MCM9: variants seen among roughly 807,000 people sequenced by gnomAD.
MCM9 encodes the protein minichromosome maintenance 9 homologous recombination repair factor, also known as DNA helicase MCM9.
Under a neutral mutation model 72.8 loss-of-function variants are expected in MCM9, and 55 were observed. That is an observed-to-expected ratio of 0.76 (90% CI 0.61 to 0.95). MCM9 has a LOEUF of 0.95. Among genes scored for constraint, MCM9 ranks in the 40% least tolerant of loss-of-function variants. The pLI, the probability that MCM9 is intolerant of heterozygous loss-of-function variation, is 0.00. For synonymous variants in MCM9, 480 were observed against 503.4 expected, an observed-to-expected ratio of 0.95 and a Z score of 0.62; for missense variants, 1,279 against 1,377.0, an observed-to-expected ratio of 0.93 and a Z score of 1.13.
At chr6:118,823,059 G>A (rs1313505156) in intron 13 of MCM9, among the ~76,000 whole-genome samples, 1 of 152,122 alleles carries the variant, frequency 6.6e-6, no homozygotes, top group Non-Finnish European at 1.5e-5. Flanking sequence ...CATGGGAGTG[G>A]GACCCACTGA....
At chr6:118,900,030 T>C (rs917972290) in intron 8 of MCM9, among the ~76,000 whole-genome samples, 4 of 152,226 alleles carry the variant, frequency 2.6e-5, no homozygotes, top group South Asian at 2.1e-4. Context: ...AAATCCGCTA[T>C]ATTGAATTAC....
At chr6:118,913,183 A>G in intron 7 of MCM9, 112 bp downstream of exon 7, 1 of 1,230,206 alleles carries the variant, frequency 8.1e-7, no homozygotes, top group Non-Finnish European at 1.1e-6. Context: ...TCAGTTTTAT[A>G]AGATTACAAT....
intron 8 of MCM9, among the ~76,000 whole-genome samples, chr6:118,891,644 A>G (rs1350782067): frequency 6.6e-6 from 1 of 152,176 alleles, no homozygotes; most frequent in Non-Finnish European, 1.5e-5. Flanking sequence ...CACCCCAATC[A>G]CCTCATTTAA....
intron 1 of MCM9, among the ~76,000 whole-genome samples, chr6:118,934,140 T>G (rs2114486356): frequency 6.6e-6 from 1 of 152,298 alleles, no homozygotes; most frequent in South Asian, 2.1e-4. Flanking sequence ...TCAGATTAAA[T>G]TTTGCCTAGT....
chr6:118,924,276 A>C (rs1781690204), intron 3 of MCM9, 149 bp from the exon 4 acceptor site: 1 of 720,620 alleles, frequency 1.4e-6, no homozygotes, highest in African/African-American at 1.8e-5. Context: ...CAGATCATCA[A>C]CTCTATTAAG....
intron 13 of MCM9, among the ~76,000 whole-genome samples, chr6:118,823,696 T>G (rs1290625606): frequency 6.6e-6 from 1 of 152,204 alleles, no homozygotes; most frequent in Non-Finnish European, 1.5e-5. Flanking sequence ...AAGTACAATA[T>G]GATCCCTCTT....
intron 8 of MCM9, among the ~76,000 whole-genome samples, chr6:118,881,005 T>A (rs1778251192): frequency 6.6e-6 from 1 of 152,008 alleles, no homozygotes; most frequent in Admixed American, 6.5e-5. Context: ...GCACAGAGAT[T>A]AACAAAAAAT....
chr6:118,845,760 T>G (rs539048977), intron 9 of MCM9, among the ~76,000 whole-genome samples: 1 of 151,860 alleles, frequency 6.6e-6, no homozygotes, highest in Non-Finnish European at 1.5e-5. Flanking sequence ...CCCTAAAGGT[T>G]ATCTATTTAC....
chr6:118,816,267 G>A lies in MCM9; in HGVS notation c.1989C>T (p.Ser663=). The change falls in exon 14 of 14, where the codon TCC becomes TCT. Residue 663 remains serine (S), a synonymous_variant. Transcript: ENST00000619706. ...ERLQNQSVHQ[S]QPRVLEVETT... ...TCTCTACCTCCAATACCCGTGGTTGGGATTGGTGCACACTCTGATTCTGTA... is the reference window on the plus strand; with the variant it reads ...TCTCTACCTCCAATACCCGTGGTTGAGATTGGTGCACACTCTGATTCTGTA... 1 of 1,547,120 alleles carries A rather than the reference G, an allele frequency of 6.5e-7. No homozygotes were observed. Among genetic ancestry groups the A allele is most frequent in the South Asian group, 1.2e-5 (1 of 83,536 alleles).
At position 118,917,724 on chromosome 6, in the gene MCM9, C is replaced by A. The variant is rs764255879; in HGVS notation, c.741G>T (p.Arg247=). ...GCACATCTTGCTGAAAGGGCTTCCA[C>A]CGTTGCATTACAATCCCGTAAATAG... is the stretch of plus-strand genomic sequence containing the variant. The part of the protein sequence containing the change: ...DLTIYGIVMQ[R]WKPFQQDVRC... Residue 247 remains arginine, a synonymous_variant, in exon 6 of 14, where the codon CGG becomes CGT. Coordinates refer to ENST00000619706, the MANE Select transcript of MCM9 (RefSeq NM_017696.3). 1 of 1,614,126 alleles carries A rather than the reference C, an allele frequency of 6.2e-7. No individual in the cohort carries two copies. Among genetic ancestry groups the A allele is most frequent in the South Asian group, 1.1e-5 (1 of 91,088 alleles).
chr6:118,853,169 A>G (rs1216009143), intron 9 of MCM9, among the ~76,000 whole-genome samples: 1 of 152,184 alleles, frequency 6.6e-6, no homozygotes, highest in Non-Finnish European at 1.5e-5. Flanking sequence ...GTTCTAGCAC[A>G]ATTAAAAAAA....
At chr6:118,897,166 T>C (rs1779480012) in intron 8 of MCM9, among the ~76,000 whole-genome samples, 1 of 152,198 alleles carries the variant, frequency 6.6e-6, no homozygotes, top group Admixed American at 6.5e-5. Context: ...AAAAGAATTT[T>C]CTTAATAAGT....
chr6:118,867,409 T>C (rs1777284706), intron 8 of MCM9, among the ~76,000 whole-genome samples: 1 of 152,228 alleles, frequency 6.6e-6, no homozygotes, highest in African/African-American at 2.4e-5. Context: ...CCGTTAGTCA[T>C]ATAAAAGTGT....
At position 118,846,890 on chromosome 6, in the gene MCM9, A is replaced by G. The variant is rs149787461; in HGVS notation, c.1325+9481T>C. ...GAATGGAAATAACATGCAGCTCCAT[A>G]AAACTACTACAAGAATAAAAATACT... On this transcript the variant is annotated intron_variant, in intron 9 of 13. Coordinates refer to ENST00000619706, the MANE Select transcript of MCM9 (RefSeq NM_017696.3). 2.4e-3 allele frequency among the ~76,000 whole-genome samples: 359 copies of G among 151,906 alleles called. 12 individuals are homozygous for G. Among genetic ancestry groups the G allele is most frequent in the African/African-American group, 8.4e-3 (345 of 41,196 alleles).
At chr6:118,866,160 T>A (rs567115623) in intron 8 of MCM9, among the ~76,000 whole-genome samples, 7 of 152,098 alleles carry the variant, frequency 4.6e-5, no homozygotes, top group Non-Finnish European at 8.8e-5. Context: ...GAGACAACAG[T>A]CTGGATGAAC....
chr6:118,897,509 A>G (rs770772714), intron 8 of MCM9, among the ~76,000 whole-genome samples: 73 of 152,198 alleles, frequency 4.8e-4, no homozygotes, highest in African/African-American at 1.6e-3. Context: ...AGAATTGAGC[A>G]TGGTGCTTCA....
intron 1 of MCM9, among the ~76,000 whole-genome samples, chr6:118,933,300 C>T (rs942587015): frequency 6.6e-6 from 1 of 151,890 alleles, no homozygotes; most frequent in Non-Finnish European, 1.5e-5. Context: ...GAGATCGAGA[C>T]CATCCTGGCT....
intron 6 of MCM9, among the ~76,000 whole-genome samples, chr6:118,916,066 A>G (rs965286863): frequency 2.0e-5 from 3 of 151,950 alleles, no homozygotes; most frequent in Admixed American, 2.0e-4. Flanking sequence ...CTAAGAAACC[A>G]TTTTCAGGCT....
intron 8 of MCM9, chr6:118,894,530 C>A (rs1460287781): frequency 6.5e-7 from 1 of 1,534,072 alleles, no homozygotes; most frequent in Non-Finnish European, 8.7e-7. Flanking sequence ...AAGGTGAGTG[C>A]GGCGCCCGTG....
Sources: gnomAD v4.1 joint callset for allele counts (sites outside exome capture counted in the v4.1 genomes callset) on GRCh38, gnomAD v4.1.1 for gene constraint, MANE v1.5 for transcripts, NCBI Gene and HGNC (gene_info 2026-07-23, HGNC 2026-07-21) for gene names.